SWT1: variants seen among roughly 807,000 people sequenced by gnomAD.
SWT1 encodes the protein transcriptional protein SWT1.
A neutral mutation model predicts 107.3 loss-of-function variants in SWT1; 33 were observed. That is an observed-to-expected ratio of 0.31 (90% confidence interval 0.23 to 0.41). The LOEUF is 0.41. SWT1 is among the 10% of genes least tolerant of loss of function. The probability of loss-of-function intolerance (pLI) is 1.00; values close to 1 mark genes in which losing one functional copy is unlikely to be tolerated. For synonymous variants in SWT1, 345 were observed against 348.3 expected, an observed-to-expected ratio of 0.99 and a Z score of 0.11; for missense variants, 898 against 1,028.9, an observed-to-expected ratio of 0.87 and a Z score of 1.74.
intron 15 of SWT1, among the ~76,000 whole-genome samples, chr1:185,223,385 C>T (rs72637299): frequency 2.2e-4 from 33 of 152,086 alleles, no homozygotes; most frequent in African/African-American, 7.2e-4. Flanking sequence ...CTATGTTGCC[C>T]AGGTTGGTCT....
intron 4 of SWT1, among the ~76,000 whole-genome samples, chr1:185,170,536 T>C (rs1424275725): frequency 6.6e-6 from 1 of 152,140 alleles, no homozygotes; most frequent in Non-Finnish European, 1.5e-5. Context: ...CCTCCAGAGC[T>C]CTCGGCACAA....
At chr1:185,264,327 AAGACCATTACCGTT>A in intron 16 of SWT1, 1 of 984,860 alleles carries the variant, frequency 1.0e-6, no homozygotes, top group Non-Finnish European at 1.2e-6. Flanking sequence ...CTAAGGAGAG[AAGACCATTACCGTT>A]CATATGGATG....
At chr1:185,190,398 G>A (rs908978791) in intron 9 of SWT1, 151 bp from the exon 10 acceptor site, 55 of 550,512 alleles carry the variant, frequency 1.0e-4, no homozygotes, top group Middle Eastern at 2.8e-4. Flanking sequence ...TTGGACAAAT[G>A]TATAATGACG....
intron 13 of SWT1, among the ~76,000 whole-genome samples, chr1:185,212,092 A>G (rs980448686): frequency 3.3e-5 from 5 of 152,094 alleles, no homozygotes; most frequent in African/African-American, 1.2e-4. Context: ...GCATTAGGAG[A>G]TATACCTAAT....
chr1:185,215,834 C>T (rs1389574184), intron 14 of SWT1, among the ~76,000 whole-genome samples: 1 of 152,134 alleles, frequency 6.6e-6, no homozygotes, highest in African/African-American at 2.4e-5. Flanking sequence ...GGTACTGTGC[C>T]TGGCCTCTAA....
At chr1:185,163,225 C>T in intron 2 of SWT1, among the ~76,000 whole-genome samples, 1 of 152,042 alleles carries the variant, frequency 6.6e-6, no homozygotes, top group Non-Finnish European at 1.5e-5. Flanking sequence ...CATTTTACAG[C>T]AGAACTTTCA....
At chr1:185,184,382 C>A in intron 8 of SWT1, 38 bp downstream of exon 8, 1 of 1,217,002 alleles carries the variant, frequency 8.2e-7, no homozygotes, top group Non-Finnish European at 1.2e-6. Context: ...TGATTTTCTT[C>A]CTTGAGTTGA....
chr1:185,181,801 C>G, intron 6 of SWT1, 145 bp from the exon 7 acceptor site: 1 of 769,738 alleles, frequency 1.3e-6, no homozygotes, highest in South Asian at 2.1e-5. Flanking sequence ...AATCTTTGTT[C>G]TTTTACTATG....
intron 16 of SWT1, among the ~76,000 whole-genome samples, chr1:185,266,176 G>C (rs1663367123): frequency 6.6e-6 from 1 of 152,030 alleles, no homozygotes; most frequent in African/African-American, 2.4e-5. Context: ...CCATTCTCCT[G>C]CCTCAGCCTC....
At chr1:185,212,171 C>T (rs1161806843) in intron 13 of SWT1, among the ~76,000 whole-genome samples, 1 of 152,044 alleles carries the variant, frequency 6.6e-6, no homozygotes, top group East Asian at 1.9e-4. Context: ...CAAACCTGCA[C>T]ATTGTGCACA....
chr1:185,245,763 T>C (rs1415059086), intron 16 of SWT1, among the ~76,000 whole-genome samples: 1 of 152,018 alleles, frequency 6.6e-6, no homozygotes, highest in Non-Finnish European at 1.5e-5. Flanking sequence ...GCTGATAATC[T>C]TACATTATAA....
At chr1:185,220,430 T>C (rs549142138) in intron 14 of SWT1, among the ~76,000 whole-genome samples, 2 of 152,214 alleles carry the variant, frequency 1.3e-5, no homozygotes, top group South Asian at 4.1e-4. Context: ...CACTTGGTGG[T>C]GTCTATCCTT....
chr1:185,262,362 A>G (rs188505718), intron 16 of SWT1: 10 of 152,380 alleles, frequency 6.6e-5, no homozygotes, highest in African/African-American at 2.4e-4. Flanking sequence ...CAGTACCAGC[A>G]TCCCAAGTAC....
chr1:185,184,965 A>T, intron 9 of SWT1, 34 bp downstream of exon 9: 1 of 1,374,592 alleles, frequency 7.3e-7, no homozygotes, highest in Non-Finnish European at 9.6e-7. Context: ...CCTCCTGATT[A>T]ATACTTGTTT....
At chr1:185,238,851 C>G (rs1037880635) in intron 16 of SWT1, among the ~76,000 whole-genome samples, 1 of 151,728 alleles carries the variant, frequency 6.6e-6, no homozygotes, top group Non-Finnish European at 1.5e-5. Context: ...AAAAGAAGCT[C>G]AGTTTAAAAA....
chr1:185,242,486 C>T (rs1661316682), intron 16 of SWT1, among the ~76,000 whole-genome samples: 1 of 152,046 alleles, frequency 6.6e-6, no homozygotes, highest in Admixed American at 6.6e-5. Flanking sequence ...CTTATATTTA[C>T]CTTTTAAGGT....
intron 17 of SWT1, among the ~76,000 whole-genome samples, chr1:185,273,796 A>G (rs1272621649): frequency 6.6e-6 from 1 of 152,242 alleles, no homozygotes; most frequent in African/African-American, 2.4e-5. Flanking sequence ...AATGATTCAT[A>G]TAATTATTTC....
chr1:185,250,612 C>T (rs1661937672), intron 16 of SWT1, among the ~76,000 whole-genome samples: 1 of 152,120 alleles, frequency 6.6e-6, no homozygotes, highest in Non-Finnish European at 1.5e-5. Flanking sequence ...TCAGCTTAGA[C>T]TCCAAATGTC....
rs370519913 is a variant in SWT1 at position 185,221,930 on chromosome 1, A to G, written c.2203A>G (p.Asn735Asp). The stretch of plus-strand genomic sequence containing the variant: ...AGGTACTTCATTGAAGAATTCTCAT[A>G]ATCAAGAAATCACTGTTTTCTCGAG... ...QEGTSLKNSH[N>D]QEITVFSSSH... Residue 735 changes from asparagine to aspartate, a missense_variant, in exon 15 of 19, where the codon AAT becomes GAT. Asn to Asp is a conservative substitution (Grantham distance 23). This residue lies in a region of SWT1 where 382 missense variants were observed against 460.0 expected (regional missense o/e 0.83). Transcript: ENST00000367500. 2 of 1,611,958 alleles carry G rather than the reference A, an allele frequency of 1.2e-6. No individual in the cohort carries two copies. Among genetic ancestry groups the G allele is most frequent in the African/African-American group, 1.3e-5 (1 of 74,828 alleles).
Sources: allele counts gnomAD v4.1 joint callset (sites outside exome capture counted in the v4.1 genomes callset), GRCh38; gene constraint gnomAD v4.1.1; regional missense constraint gnomAD v4.1.1; transcripts MANE v1.5; gene names NCBI Gene and HGNC (gene_info 2026-07-23, HGNC 2026-07-21).